The following CMTR2 variants were observed in gnomAD, a reference collection of about 807,000 sequenced individuals.
The protein encoded by CMTR2 is cap-specific mRNA (nucleoside-2'-O-)-methyltransferase 2.
A neutral mutation model predicts 49.8 loss-of-function variants in CMTR2; 40 were observed. The observed-to-expected ratio is 0.80, with a 90% CI of 0.62 to 1.04. The LOEUF (loss-of-function observed/expected upper bound fraction) is 1.04. Among genes scored for constraint, CMTR2 ranks in the 50% least tolerant of loss-of-function variants. The pLI, the probability that CMTR2 is intolerant of heterozygous loss-of-function variation, is 0.00. For missense variants in CMTR2, 907 were observed against 897.2 expected, an observed-to-expected ratio of 1.01 and a Z score of -0.14; for synonymous variants, 326 against 315.8, an observed-to-expected ratio of 1.03 and a Z score of -0.34.
rs2041625096 is a variant in CMTR2, at chr16:71,282,395, A to T, written c.*1213T>A. Reference sequence around the variant, plus strand: ...AGATTAATATTTATTAACCAAATGCATCAGAAAATACATCTATTTTCACAT... The same window carrying T: ...AGATTAATATTTATTAACCAAATGCTTCAGAAAATACATCTATTTTCACAT... On this transcript the variant is annotated 3_prime_UTR_variant, in exon 3 of 3. Coordinates refer to ENST00000434935, the MANE Select transcript of CMTR2 (RefSeq NM_018348.6). The T allele has an allele frequency of 6.6e-6, 1 of 152,118 alleles. No homozygotes were observed. Among genetic ancestry groups the T allele is most frequent in the African/African-American group, 2.4e-5 (1 of 41,456 alleles). 9.4% of individuals were successfully genotyped at this position (152,118 alleles called of 1,614,324 possible).
Position 71,285,943 on chromosome 16 carries a change from G to A in CMTR2, c.-19-4C>T. On this transcript the variant is annotated splice_region_variant and splice_polypyrimidine_tract_variant and intron_variant, in intron 2 of 2. Coordinates refer to ENST00000434935, the MANE Select transcript of CMTR2 (RefSeq NM_018348.6). ...CATTTTCAAATCAAATTAAAATCTA[G>A]GAAGAGAAAACACATAATTAAATGA... 6.5e-7 allele frequency: 1 copy of A among 1,531,356 alleles called. No individual in the cohort carries two copies. The highest frequency in any genetic ancestry group is 1.3e-5 in the South Asian group (1 of 77,042). The allele number at this position is 1,531,356 out of a possible 1,614,324, so 94.9% of individuals were successfully genotyped here. A position where few individuals can be genotyped will look rare whatever the true frequency, so the allele number is the denominator to read the frequency against.
rs370043476 is a variant in CMTR2 at position 71,284,557 on chromosome 16, C to A, written c.1364G>T (p.Trp455Leu). 6.2e-7 allele frequency: 1 copy of A among 1,613,678 alleles called. No homozygotes were observed. Among genetic ancestry groups the A allele is most frequent in the African/African-American group, 1.3e-5 (1 of 74,876 alleles). ...GTATCCTTTGGCTACTTTATCTTTC[C>A]ATGAAAGGGCTTCTAGCATCTTCCT... is the stretch of plus-strand genomic sequence containing the variant. ...NERKMLEALS[W>L]KDKVAKGYFN... Residue 455 changes from tryptophan (W) to leucine (L), a missense_variant, in exon 3 of 3, where the codon TGG becomes TTG. Physicochemically the swap from Trp to Leu is moderately conservative, Grantham distance 61. Transcript: ENST00000434935.
rs12599703 is a variant in CMTR2 at position 71,285,987 on chromosome 16, C to A, written c.-19-48G>T. On this transcript the variant is annotated intron_variant, in intron 2 of 2. Coordinates refer to ENST00000434935, the MANE Select transcript of CMTR2 (RefSeq NM_018348.6). ...TAAATGAATCAAATTTATTAGTGAGCGAAATCTCATGAGCAGCAAATACGA... is the reference window on the plus strand; with the variant it reads ...TAAATGAATCAAATTTATTAGTGAGAGAAATCTCATGAGCAGCAAATACGA... 13 of 1,396,192 alleles carry A rather than the reference C, an allele frequency of 9.3e-6. No individual in the cohort carries two copies. In the South Asian group the frequency reaches 1.9e-4, roughly 20 times the overall value. 86.5% of individuals were successfully genotyped at this position (1,396,192 alleles called of 1,614,324 possible).
rs760233068 is a variant in CMTR2 at position 71,284,222 on chromosome 16, G to A, written c.1699C>T (p.Gln567Ter). 6.2e-7 allele frequency: 1 copy of A among 1,613,998 alleles called. No homozygotes were observed. The highest frequency in any genetic ancestry group is 1.1e-5 in the South Asian group (1 of 91,066). Residue 567 changes from glutamine (Q) to a stop codon, truncating the protein, a stop_gained, in exon 3 of 3, where the codon CAG (glutamine) becomes TAG (stop). Transcript: ENST00000434935. LOFTEE classifies it high-confidence loss of function. ...SELCSLTECL[Q>*]DEQVVVPSNQ... ...CTGGGTACTACAACCTGCTCATCCT[G>A]AAGGCACTCAGTAAGGCTACACAAC...
rs749052074 is a variant in CMTR2 at position 71,285,594 on chromosome 16, T to C, written c.327A>G (p.Glu109=). ...ISHVRKSVNA[E]LCTQAWCKFH... is the part of the protein sequence containing the mutation. ...ACTTACACCATGCTTGAGTACAAAG[T>C]TCAGCATTCACAGATTTTCTAACAT... The change falls in exon 3 of 3, where the codon GAA becomes GAG. Residue 109 remains glutamate (E), a synonymous_variant. Transcript: ENST00000434935. 6.2e-7 allele frequency: 1 copy of C among 1,614,130 alleles called. No individual in the cohort carries two copies. The highest frequency in any genetic ancestry group is 1.1e-5 in the South Asian group (1 of 91,078).
chr16:71,289,387 G>T lies in CMTR2; in HGVS notation c.-331C>A, dbSNP rs750635849. Reference sequence around the variant, plus strand: ...CGCAGCCGCGAATGCCGGCAGACAGGGACCAGGAGGCACTCAAGTCCCACT... The same window carrying T: ...CGCAGCCGCGAATGCCGGCAGACAGTGACCAGGAGGCACTCAAGTCCCACT... On this transcript the variant is annotated 5_prime_UTR_variant, in exon 1 of 3. Coordinates refer to ENST00000434935, the MANE Select transcript of CMTR2 (RefSeq NM_018348.6). 1 of 152,250 alleles carries T rather than the reference G, an allele frequency of 6.6e-6. No homozygotes were observed. 9.4% of individuals were successfully genotyped at this position (152,250 alleles called of 1,614,324 possible).
intron 2 of CMTR2, chr16:71,286,787 C>T (rs2288049): frequency 0.14 from 20,729 of 151,932 alleles, 1,628 homozygotes; most frequent in East Asian, 0.36. Context: ...CACACTTCCA[C>T]CATAACATAT....
chr16:71,283,486 T>C lies in CMTR2; in HGVS notation c.*122A>G. 1 of 1,182,548 alleles carries C rather than the reference T, an allele frequency of 8.5e-7. No homozygotes were observed. The highest frequency in any genetic ancestry group is 1.2e-6 in the Non-Finnish European group (1 of 855,466). The allele number at this position is 1,182,548 out of a possible 1,614,324, so 73.3% of individuals were successfully genotyped here. ...ATGGTTTTCCAGAATTAATGAGACTTTGAATGATGCAAATGTTGGCCTTTC... is the reference window on the plus strand; with the variant it reads ...ATGGTTTTCCAGAATTAATGAGACTCTGAATGATGCAAATGTTGGCCTTTC... On this transcript the variant is annotated 3_prime_UTR_variant, in exon 3 of 3. Transcript: ENST00000434935.
In CMTR2 at chr16:71,284,531, A is replaced by G. The variant is rs775596139; in HGVS notation, c.1390T>C (p.Phe464Leu). The G allele has an allele frequency of 1.7e-5, 28 of 1,613,800 alleles. No homozygotes were observed. Among genetic ancestry groups the G allele is most frequent in the Non-Finnish European group, 2.4e-5 (28 of 1,179,924 alleles). ...SWKDKVAKGY[F>L]NSWAEEHGVY... Reference sequence around the variant, plus strand: ...CCATGTTCTTCAGCCCAACTATTAAAGTATCCTTTGGCTACTTTATCTTTC... The same window carrying G: ...CCATGTTCTTCAGCCCAACTATTAAGGTATCCTTTGGCTACTTTATCTTTC... Residue 464 changes from phenylalanine to leucine, a missense_variant, in exon 3 of 3, where the codon TTT becomes CTT. Coordinates refer to ENST00000434935, the MANE Select transcript of CMTR2 (RefSeq NM_018348.6).
rs1046594725 is a variant in CMTR2 at position 71,289,215 on chromosome 16, C to G, written c.-159G>C. ...TCGAGGAAGCCATTCTGCACTTCCG[C>G]TCTCGGGGCTGCTTCCCGGGATGGT... On this transcript the variant is annotated 5_prime_UTR_variant, in exon 1 of 3. Coordinates refer to ENST00000434935, the MANE Select transcript of CMTR2 (RefSeq NM_018348.6). 1 of 152,366 alleles carries G rather than the reference C, an allele frequency of 6.6e-6. No individual in the cohort carries two copies. The highest frequency in any genetic ancestry group is 1.5e-5 in the Non-Finnish European group (1 of 68,160). The allele number at this position is 152,366 out of a possible 1,614,324, so 9.4% of individuals were successfully genotyped here.
Position 71,285,498 on chromosome 16 carries a change from T to C in CMTR2, c.423A>G (p.Leu141=). 6.2e-7 allele frequency: 1 copy of C among 1,614,050 alleles called. No individual in the cohort carries two copies. The part of the protein sequence containing the change: ...EAFQNGKLNS[L]HLCEAPGAFI... ...AAGCTCCTGGAGCTTCACAAAGGTG[T>C]AGAGAATTCAGTTTTCCATTCTGAA... The change falls in exon 3 of 3, where the codon CTA becomes CTG. Residue 141 remains leucine (L), a synonymous_variant. Transcript: ENST00000434935.
At position 71,284,480 on chromosome 16, in the gene CMTR2, T is replaced by C. The variant is rs779751456; in HGVS notation, c.1441A>G (p.Ile481Val). 2.5e-6 allele frequency: 4 copies of C among 1,614,032 alleles called. No individual in the cohort carries two copies. The highest frequency in any genetic ancestry group is 2.2e-5 in the East Asian group (1 of 44,872). The part of the protein sequence containing the change: ...HGVYHPGQSS[I>V]LEGTASNLEC... ...AGATTGGAAGCTGTTCCTTCTAAAA[T>C]AGAACTCTGCCCAGGATGATATACA... Residue 481 changes from isoleucine to valine, a missense_variant, in exon 3 of 3, where the codon ATT becomes GTT. By Grantham distance (29) the Ile-to-Val change is conservative. Transcript: ENST00000434935.
At chr16:71,287,933 G>A (rs981512659) in intron 2 of CMTR2, 3 of 152,054 alleles carry the variant, frequency 2.0e-5, no homozygotes, top group East Asian at 1.9e-4. Context: ...ACTCTATTTC[G>A]GAAAAAGTCT....
At chr16:71,289,667 A>AGGGGGGGGGGGGGGGGGGGGG (rs1395441797), upstream of CMTR2, 1 of 20,916 alleles carries the variant, frequency 4.8e-5, no homozygotes, top group Admixed American at 4.9e-4. Flanking sequence ...AGGGGGAGGG[A>AGGGGGGGGGGGGGGGGGGGGG]GGGAAGGGAC....
In CMTR2 at chr16:71,284,713, T is replaced by C. The variant is rs1321711047; in HGVS notation, c.1208A>G (p.Tyr403Cys). ...TTTCAGTTGAAATTTTTGCATAAAA[T>C]ATTGTATAGCACAATCCCTTAAATT... Reference protein sequence around the residue: ...LNNLRDCAIQYFMQKFQLKHL... With the variant: ...LNNLRDCAIQCFMQKFQLKHL... The change falls in exon 3 of 3, where the codon TAT becomes TGT. Residue 403 changes from tyrosine (Y) to cysteine (C), a missense_variant. Coordinates refer to ENST00000434935, the MANE Select transcript of CMTR2 (RefSeq NM_018348.6). 1.9e-6 allele frequency: 3 copies of C among 1,613,236 alleles called. No homozygotes were observed. The Admixed American group carries it at 5.0e-5, about 27-fold the overall frequency.
chr16:71,282,331 A>G lies in CMTR2; in HGVS notation c.*1277T>C, dbSNP rs560467385. 2 of 152,118 alleles carry G rather than the reference A, an allele frequency of 1.3e-5. No individual in the cohort carries two copies. The highest frequency in any genetic ancestry group is 2.9e-5 in the Non-Finnish European group (2 of 67,952). The allele number at this position is 152,118 out of a possible 1,614,324, so 9.4% of individuals were successfully genotyped here. A position where few individuals can be genotyped will look rare whatever the true frequency, so the allele number is the denominator to read the frequency against. On this transcript the variant is annotated 3_prime_UTR_variant, in exon 3 of 3. Transcript: ENST00000434935. ...TAGTAATGACTTTATTCATGAATCTATAATGGAATTCAAAATAGCAAAGAA... is the reference window on the plus strand; with the variant it reads ...TAGTAATGACTTTATTCATGAATCTGTAATGGAATTCAAAATAGCAAAGAA...
rs771297237 is a variant in CMTR2, at chr16:71,283,940, C to G, written c.1981G>C (p.Val661Leu). Residue 661 changes from valine to leucine, a missense_variant, in exon 3 of 3, where the codon GTA (valine) becomes CTA (leucine). Val to Leu is a conservative substitution (Grantham distance 32, BLOSUM62 1). Transcript: ENST00000434935. ...ATGAATCTAAAACAACTGTGGAGTACAAAGATCAAACCAGCCATAAATCTT... is the reference window on the plus strand; with the variant it reads ...ATGAATCTAAAACAACTGTGGAGTAGAAAGATCAAACCAGCCATAAATCTT... ...FTRFMAGLIFVLHSCFRFITF... is the reference protein window; with the variant it reads ...FTRFMAGLIFLLHSCFRFITF... 2 of 1,613,826 alleles carry G rather than the reference C, an allele frequency of 1.2e-6. No homozygotes were observed. Among genetic ancestry groups the G allele is most frequent in the Admixed American group, 3.3e-5 (2 of 60,000 alleles).
chr16:71,288,244 GC>G (rs1489763146), intron 2 of CMTR2: 2 of 152,204 alleles, frequency 1.3e-5, no homozygotes, highest in African/African-American at 4.8e-5. Flanking sequence ...TGTCAGCACA[GC>G]TAACTCCTTC....
intron 2 of CMTR2, among the ~76,000 whole-genome samples, chr16:71,286,155 A>G (rs1347840587): frequency 6.6e-6 from 1 of 152,040 alleles, no homozygotes; most frequent in Non-Finnish European, 1.5e-5. Context: ...ATGGCTTAAT[A>G]AGCACCCTTG....
Sources: allele counts gnomAD v4.1 joint callset (sites outside exome capture counted in the v4.1 genomes callset), GRCh38; gene constraint gnomAD v4.1.1; transcripts MANE v1.5; gene names NCBI Gene and HGNC (gene_info 2026-07-23, HGNC 2026-07-21).